NDC1: variants seen among roughly 807,000 people sequenced by gnomAD.
The protein encoded by NDC1 is nucleoporin NDC1.
A neutral mutation model predicts 89.8 loss-of-function variants in NDC1; 24 were observed. The ratio of observed to expected loss-of-function variants is 0.27; its 90% CI spans 0.19 to 0.38. The LOEUF (loss-of-function observed/expected upper bound fraction) is 0.38, where lower values mean the gene tolerates loss of function less well. NDC1 is among the 10% of genes least tolerant of loss of function. NDC1 has a pLI of 1.00. For missense variants in NDC1, 728 were observed against 797.6 expected (o/e 0.91, Z 1.05); for synonymous variants, 296 against 284.8 (o/e 1.04, Z -0.39).
intron 14 of NDC1, among the ~76,000 whole-genome samples, chr1:53,791,936 TCCC>T (rs1208270025): frequency 6.6e-6 from 1 of 150,804 alleles, no homozygotes; most frequent in Non-Finnish European, 1.5e-5. Context: ...TGAGTTATTT[TCCC>T]CTTCTTCTTT....
intron 10 of NDC1, among the ~76,000 whole-genome samples, chr1:53,801,716 C>T (rs564050984): frequency 5.3e-4 from 80 of 152,266 alleles, no homozygotes; most frequent in Non-Finnish European, 7.6e-4. Context: ...TTTTGTACTA[C>T]TGTAATTTGG....
intron 15 of NDC1, 123 bp downstream of exon 15, chr1:53,789,010 T>A: frequency 4.6e-6 from 3 of 654,464 alleles, no homozygotes; most frequent in Non-Finnish European, 7.9e-6. Flanking sequence ...AAAACAAAGA[T>A]ATAAAAACGA....
chr1:53,816,159 G>C (rs1648467407), intron 6 of NDC1, among the ~76,000 whole-genome samples: 2 of 152,072 alleles, frequency 1.3e-5, no homozygotes, highest in African/African-American at 4.8e-5. Flanking sequence ...TAGGCAAAAA[G>C]AACAAATCTG....
Position 53,819,014 on chromosome 1 carries a change from T to C in NDC1, c.660A>G (p.Ser220=). Residue 220 remains serine, a synonymous_variant, in exon 6 of 18, where the codon TCA becomes TCG. Coordinates refer to ENST00000371429, the MANE Select transcript of NDC1 (RefSeq NM_018087.5). ...TGCAGAAATTTCTAACCAGGAACAG[T>C]GATTCCACACAACTGTGTTTAACTA... is the stretch of plus-strand genomic sequence containing the variant. The part of the protein sequence containing the change: ...LLLVKHSCVE[S]LFLVRNFCIL... 6.3e-7 allele frequency: 1 copy of C among 1,578,950 alleles called. No homozygotes were observed.
intron 16 of NDC1, among the ~76,000 whole-genome samples, chr1:53,785,074 T>C (rs944527689): frequency 2.6e-5 from 4 of 152,096 alleles, no homozygotes; most frequent in East Asian, 3.9e-4. Context: ...ACCTAGGAGA[T>C]TGTGTGTGAG....
At chr1:53,812,922 G>A (rs146995168) in intron 6 of NDC1, among the ~76,000 whole-genome samples, 227 of 152,286 alleles carry the variant, frequency 1.5e-3, no homozygotes, top group African/African-American at 5.0e-3. Flanking sequence ...GCAGAAACCC[G>A]ACAAGCTAGA....
intron 3 of NDC1, 99 bp from the exon 4 acceptor site, chr1:53,828,272 G>A: frequency 1.8e-6 from 2 of 1,126,824 alleles, no homozygotes; most frequent in East Asian, 2.5e-5. Flanking sequence ...TGTTCCAAAG[G>A]CAGAGAGAAA....
chr1:53,783,598 C>T (rs1253972599), intron 16 of NDC1, among the ~76,000 whole-genome samples: 1 of 152,170 alleles, frequency 6.6e-6, no homozygotes, highest in African/African-American at 2.4e-5. Flanking sequence ...AAAGCATGTG[C>T]TGGAAACTTA....
Position 53,800,640 on chromosome 1 carries a change from T to C in NDC1, c.1222+53A>G, listed in dbSNP as rs529241309. 1.3e-5 allele frequency: 21 copies of C among 1,596,634 alleles called. No individual in the cohort carries two copies. The South Asian group carries it at 2.0e-4, about 15-fold the overall frequency. On this transcript the variant is annotated intron_variant, in intron 11 of 17. Coordinates refer to ENST00000371429, the MANE Select transcript of NDC1 (RefSeq NM_018087.5). The stretch of plus-strand genomic sequence containing the variant: ...GCGCCCAGTCTACTACAGTCATCTT[T>C]CTTAGGAAATAAAATGTAAATGTTT...
chr1:53,826,975 C>T (rs1019006375), intron 4 of NDC1, among the ~76,000 whole-genome samples: 2 of 152,176 alleles, frequency 1.3e-5, no homozygotes, highest in African/African-American at 4.8e-5. Flanking sequence ...TTCACTGCCA[C>T]CTCCATTAGG....
Position 53,804,058 on chromosome 1 carries a change from A to G in NDC1, c.985-49T>C, listed in dbSNP as rs745427011. 8.9e-6 allele frequency: 12 copies of G among 1,345,890 alleles called. No homozygotes were observed. The East Asian group carries it at 2.5e-4, about 28-fold the overall frequency. 83.4% of individuals were successfully genotyped at this position (1,345,890 alleles called of 1,614,324 possible). A position where few individuals can be genotyped will look rare whatever the true frequency, so the allele number is the denominator to read the frequency against. ...TTATTTAATTTTTTTTAACCTCTAC[A>G]TAAAATCTCACTAATTGGGTTCATC... On this transcript the variant is annotated intron_variant, in intron 9 of 17. Transcript: ENST00000371429.
chr1:53,829,392 CCTT>C (rs1364539869), intron 3 of NDC1, among the ~76,000 whole-genome samples: 1 of 152,192 alleles, frequency 6.6e-6, no homozygotes, highest in African/African-American at 2.4e-5. Context: ...ATATGCTATA[CCTT>C]CTCTCTAGAA....
At chr1:53,768,103 C>T in intron 17 of NDC1, 70 bp from the exon 18 acceptor site, 1 of 915,812 alleles carries the variant, frequency 1.1e-6, no homozygotes, top group Non-Finnish European at 1.6e-6. Context: ...CCACAGAGCA[C>T]AGAGACAATA....
chr1:53,816,274 G>T (rs1352143815), intron 6 of NDC1, among the ~76,000 whole-genome samples: 2 of 152,172 alleles, frequency 1.3e-5, no homozygotes, highest in East Asian at 3.8e-4. Flanking sequence ...GAGCAGGATA[G>T]AGAACCCAGA....
chr1:53,771,493 G>C (rs1570150120), intron 17 of NDC1, among the ~76,000 whole-genome samples: 1 of 152,162 alleles, frequency 6.6e-6, no homozygotes, highest in East Asian at 1.9e-4. Context: ...AGCACTATCT[G>C]ATAAAACTTT....
chr1:53,788,371 A>G (rs1467694622), intron 15 of NDC1, among the ~76,000 whole-genome samples: 1 of 151,832 alleles, frequency 6.6e-6, no homozygotes, highest in African/African-American at 2.4e-5. Context: ...CAAGGCAGGA[A>G]GATCACTTGA....
At chr1:53,771,007 T>C (rs1647108498) in intron 17 of NDC1, 1 of 152,432 alleles carries the variant, frequency 6.6e-6, no homozygotes, top group African/African-American at 2.4e-5. Flanking sequence ...CTTGCCTTTT[T>C]TCCCCCAGGG....
intron 6 of NDC1, among the ~76,000 whole-genome samples, chr1:53,816,376 T>C (rs1312939089): frequency 6.6e-6 from 1 of 152,116 alleles, no homozygotes; most frequent in African/African-American, 2.4e-5. Flanking sequence ...CAAATGATGC[T>C]GGGATAATTG....
At chr1:53,776,103 C>T (rs1387904520) in intron 16 of NDC1, among the ~76,000 whole-genome samples, 2 of 152,052 alleles carry the variant, frequency 1.3e-5, no homozygotes, top group African/African-American at 2.4e-5. Context: ...TACAGGCATG[C>T]ACCACCATGC....
Sources: allele counts gnomAD v4.1 joint callset (sites outside exome capture counted in the v4.1 genomes callset), GRCh38; gene constraint gnomAD v4.1.1; transcripts MANE v1.5; gene names NCBI Gene and HGNC (gene_info 2026-07-23, HGNC 2026-07-21).